The following MAP3K1 variants were observed in gnomAD, a reference collection of about 807,000 sequenced individuals.
MAP3K1 encodes MAP/ERK kinase kinase 1.
In MAP3K1, 36 loss-of-function variants were observed where a neutral mutation model predicts 144.2. That is an observed-to-expected ratio of 0.25 (90% CI 0.19 to 0.33). The LOEUF is 0.33. MAP3K1 is among the 10% of genes least tolerant of loss of function. MAP3K1 has a pLI of 1.00. For missense variants in MAP3K1, 1,650 were observed against 1,881.9 expected (o/e 0.88, Z 2.28); for synonymous variants, 718 against 688.7 (o/e 1.04, Z -0.67).
intron 3 of MAP3K1, among the ~76,000 whole-genome samples, chr5:56,864,492 C>T (rs534631213): frequency 1.3e-5 from 2 of 151,810 alleles, no homozygotes; most frequent in South Asian, 4.2e-4. Context: ...TCTCCTGCCT[C>T]AGCCTCAGAG....
chr5:56,867,784 A>C (rs1002024985), intron 6 of MAP3K1, among the ~76,000 whole-genome samples: 2 of 152,206 alleles, frequency 1.3e-5, no homozygotes, highest in African/African-American at 2.4e-5. Flanking sequence ...AGAAATGCAA[A>C]AGCCTCACAT....
chr5:56,864,957 A>G (rs1359165098), intron 4 of MAP3K1, 23 bp downstream of exon 4: 3 of 1,607,732 alleles, frequency 1.9e-6, no homozygotes, highest in Middle Eastern at 1.7e-4. Flanking sequence ...ACCATTTTAT[A>G]CTTTATTAGT....
intron 1 of MAP3K1, among the ~76,000 whole-genome samples, chr5:56,831,627 T>C (rs1746497418): frequency 6.6e-6 from 1 of 152,250 alleles, no homozygotes; most frequent in South Asian, 2.1e-4. Context: ...TTTTAGAACA[T>C]TAAACATTAA....
chr5:56,853,193 T>A (rs1747229161), intron 1 of MAP3K1, among the ~76,000 whole-genome samples: 1 of 152,180 alleles, frequency 6.6e-6, no homozygotes, highest in South Asian at 2.1e-4. Flanking sequence ...TTATAATAAC[T>A]TTTGATTGCA....
chr5:56,816,263 C>G (rs1011724683), intron 1 of MAP3K1, among the ~76,000 whole-genome samples: 4 of 151,876 alleles, frequency 2.6e-5, no homozygotes, highest in Admixed American at 1.3e-4. Context: ...CGGGGACGTG[C>G]GGAAGAGTTT....
At chr5:56,870,677 T>C (rs1747825003) in intron 6 of MAP3K1, among the ~76,000 whole-genome samples, 1 of 152,162 alleles carries the variant, frequency 6.6e-6, no homozygotes, top group Admixed American at 6.6e-5. Flanking sequence ...ACTTTATATA[T>C]CAAGAATATT....
At chr5:56,820,805 C>T (rs946260340) in intron 1 of MAP3K1, 4 of 985,264 alleles carry the variant, frequency 4.1e-6, no homozygotes, top group Non-Finnish European at 3.6e-6. Context: ...AGTGCACAAG[C>T]TGTTTCTGTC....
intron 1 of MAP3K1, among the ~76,000 whole-genome samples, chr5:56,818,962 G>A (rs917437916): frequency 3.9e-5 from 6 of 152,146 alleles, no homozygotes; most frequent in Non-Finnish European, 1.5e-5. Flanking sequence ...AGGTATAAGA[G>A]CATTATTACC....
intron 2 of MAP3K1, 99 bp from the exon 3 acceptor site, chr5:56,859,616 A>T: frequency 1.2e-6 from 1 of 837,918 alleles, no homozygotes. Flanking sequence ...AATATTTCAT[A>T]ACAAAAACTC....
chr5:56,825,069 A>T (rs1746271596), intron 1 of MAP3K1, among the ~76,000 whole-genome samples: 1 of 151,982 alleles, frequency 6.6e-6, no homozygotes, highest in Non-Finnish European at 1.5e-5. Flanking sequence ...GTGCAATGGC[A>T]CAATCTTGGT....
At chr5:56,866,078 A>G in intron 6 of MAP3K1, 101 bp downstream of exon 6, 1 of 1,035,466 alleles carries the variant, frequency 9.7e-7, no homozygotes, top group Non-Finnish European at 1.5e-6. Flanking sequence ...AAATGATTTA[A>G]TTATTGAATC....
chr5:56,828,504 A>G (rs1325489785), intron 1 of MAP3K1, among the ~76,000 whole-genome samples: 1 of 152,250 alleles, frequency 6.6e-6, no homozygotes, highest in Non-Finnish European at 1.5e-5. Flanking sequence ...GGTAACAACT[A>G]TAAAGAGAAA....
At chr5:56,819,993 A>G (rs1746105337) in intron 1 of MAP3K1, among the ~76,000 whole-genome samples, 2 of 152,318 alleles carry the variant, frequency 1.3e-5, no homozygotes, top group South Asian at 4.1e-4. Context: ...GTTCATTGCA[A>G]AGCATGAGAT....
chr5:56,828,208 A>G (rs1746379089), intron 1 of MAP3K1, among the ~76,000 whole-genome samples: 1 of 152,206 alleles, frequency 6.6e-6, no homozygotes, highest in African/African-American at 2.4e-5. Flanking sequence ...TTATTTTGAA[A>G]TGATTTACTA....
chr5:56,817,556 G>A (rs1746015999), intron 1 of MAP3K1, among the ~76,000 whole-genome samples: 1 of 152,146 alleles, frequency 6.6e-6, no homozygotes, highest in African/African-American at 2.4e-5. Flanking sequence ...GGAGATTTGT[G>A]ACTGATACAG....
chr5:56,828,148 G>C (rs909654163), intron 1 of MAP3K1, among the ~76,000 whole-genome samples: 1 of 152,146 alleles, frequency 6.6e-6, no homozygotes, highest in African/African-American at 2.4e-5. Flanking sequence ...GTTAGCAAAG[G>C]CGGTTTGTGT....
chr5:56,815,854 A>T lies in MAP3K1; in HGVS notation c.281A>T (p.Glu94Val). ...PPASSTSPSP[E>V]PADAAGSGTG... ...GCCTCCTCGACTTCCCCGTCGCCGG[A>T]GCCCGCGGACGCAGCGGGGAGTGGG... The change falls in exon 1 of 20, where the codon GAG (glutamate) becomes GTG (valine). Residue 94 changes from glutamate (E) to valine (V), a missense_variant. Around this residue, in one of 6 missense-constraint regions of MAP3K1, gnomAD observed 360 missense variants for 274.7 expected, o/e 1.31. Coordinates refer to ENST00000399503, the MANE Select transcript of MAP3K1 (RefSeq NM_005921.2). 3 of 1,401,718 alleles carry T rather than the reference A, an allele frequency of 2.1e-6. No homozygotes were observed. Among genetic ancestry groups the T allele is most frequent in the Non-Finnish European group, 2.8e-6 (3 of 1,073,752 alleles). The allele number at this position is 1,401,718 out of a possible 1,614,324, so 86.8% of individuals were successfully genotyped here. A position where few individuals can be genotyped will look rare whatever the true frequency, so the allele number is the denominator to read the frequency against.
intron 1 of MAP3K1, among the ~76,000 whole-genome samples, chr5:56,816,710 C>T (rs1745985620): frequency 6.6e-6 from 1 of 152,208 alleles, no homozygotes; most frequent in African/African-American, 2.4e-5. Flanking sequence ...TAACGCCTGT[C>T]AAAGCCGTGC....
At chr5:56,858,102 A>T (rs1440778997) in intron 2 of MAP3K1, among the ~76,000 whole-genome samples, 1 of 152,216 alleles carries the variant, frequency 6.6e-6, no homozygotes, top group Non-Finnish European at 1.5e-5. Context: ...AGAAAGTGCT[A>T]TTGAAACATC....
Sources: allele counts gnomAD v4.1 joint callset (sites outside exome capture counted in the v4.1 genomes callset), GRCh38; gene constraint gnomAD v4.1.1; regional missense constraint gnomAD v4.1.1; transcripts MANE v1.5; gene names NCBI Gene and HGNC (gene_info 2026-07-23, HGNC 2026-07-21).